The following TRPC7 variants were observed in gnomAD, a reference collection of about 807,000 sequenced individuals.
TRPC7 encodes the protein transient receptor potential cation channel subfamily C member 7.
Under a neutral mutation model 90.1 loss-of-function variants are expected in TRPC7, and 42 were observed. The ratio of observed to expected loss-of-function variants is 0.47; its 90% CI spans 0.36 to 0.60. The LOEUF is 0.60. TRPC7 is among the 20% of genes least tolerant of loss of function. The pLI is 0.00. For synonymous variants in TRPC7, 451 were observed against 436.3 expected (o/e 1.03, Z -0.42); for missense variants, 955 against 1,112.3 (o/e 0.86, Z 2.01).
chr5:136,341,495 A>G lies in TRPC7; in HGVS notation c.780+15113T>C, dbSNP rs1054341185. 3.3e-5 allele frequency among the ~76,000 whole-genome samples: 5 copies of G among 150,944 alleles called. No individual in the cohort carries two copies. In the East Asian group the frequency reaches 7.8e-4, roughly 24 times the overall value. Reference sequence around the variant, plus strand: ...TATATACACACACACACACACACCTATGTATAAATAAAAGATTTATGCCCA... The same window carrying G: ...TATATACACACACACACACACACCTGTGTATAAATAAAAGATTTATGCCCA... On this transcript the variant is annotated intron_variant, in intron 2 of 11. Coordinates refer to ENST00000513104, the MANE Select transcript of TRPC7 (RefSeq NM_020389.3).
intron 1 of TRPC7, among the ~76,000 whole-genome samples, chr5:136,362,676 C>T (rs1158104847): frequency 6.6e-6 from 1 of 152,182 alleles, no homozygotes; most frequent in Non-Finnish European, 1.5e-5. Flanking sequence ...TATTAAGGAT[C>T]TAGTCTGTCT....
At chr5:136,225,782 G>C (rs1271337272) in intron 9 of TRPC7, among the ~76,000 whole-genome samples, 1 of 152,102 alleles carries the variant, frequency 6.6e-6, no homozygotes, top group Non-Finnish European at 1.5e-5. Context: ...GGCTTAGCCA[G>C]GCAGCTTACT....
chr5:136,279,386 T>C (rs1173566440), intron 3 of TRPC7, among the ~76,000 whole-genome samples: 2 of 152,192 alleles, frequency 1.3e-5, no homozygotes, highest in Admixed American at 6.5e-5. Flanking sequence ...GGTGCTGGAC[T>C]TCTTCCAGAG....
At chr5:136,242,197 C>T (rs114260844) in intron 7 of TRPC7, among the ~76,000 whole-genome samples, 4,467 of 152,250 alleles carry the variant, frequency 0.029, 94 homozygotes, top group Admixed American at 0.05. Context: ...ACTTCCTTAC[C>T]CATGTCTTGG....
At chr5:136,270,609 G>A (rs1482504446) in intron 4 of TRPC7, among the ~76,000 whole-genome samples, 1 of 152,208 alleles carries the variant, frequency 6.6e-6, no homozygotes, top group Non-Finnish European at 1.5e-5. Context: ...GGAGGTGAAA[G>A]AGATAAAACA....
chr5:136,236,486 C>T (rs1270097950), intron 7 of TRPC7, among the ~76,000 whole-genome samples: 1 of 152,148 alleles, frequency 6.6e-6, no homozygotes, highest in East Asian at 1.9e-4. Context: ...GTGGAAGGGA[C>T]TGAAGTTAGT....
intron 2 of TRPC7, among the ~76,000 whole-genome samples, chr5:136,321,210 G>A (rs10042343): frequency 0.024 from 3,712 of 152,202 alleles, 162 homozygotes; most frequent in African/African-American, 0.084. Flanking sequence ...GGGGAGCAGC[G>A]TGTTTCCTTC....
chr5:136,358,705 A>G (rs1012565074), intron 1 of TRPC7, among the ~76,000 whole-genome samples: 1 of 152,198 alleles, frequency 6.6e-6, no homozygotes, highest in Non-Finnish European at 1.5e-5. Context: ...CCCAGCTTCT[A>G]GATCTCAGAT....
At chr5:136,284,594 G>T (rs1467067654) in intron 3 of TRPC7, among the ~76,000 whole-genome samples, 1 of 152,180 alleles carries the variant, frequency 6.6e-6, no homozygotes, top group Admixed American at 6.5e-5. Context: ...GGCTCTCATT[G>T]CCCTCAATGC....
intron 11 of TRPC7, among the ~76,000 whole-genome samples, chr5:136,214,835 A>G (rs1192391448): frequency 6.6e-6 from 1 of 152,158 alleles, no homozygotes; most frequent in Non-Finnish European, 1.5e-5. Context: ...AGAAACTTCA[A>G]TCATGGATGA....
chr5:136,254,089 GCTA>G (rs1401827595), intron 5 of TRPC7, among the ~76,000 whole-genome samples: 1 of 152,212 alleles, frequency 6.6e-6, no homozygotes, highest in African/African-American at 2.4e-5. Flanking sequence ...AAAGTTTGAA[GCTA>G]GCAGAGGTTC....
At chr5:136,277,204 A>C (rs1260563418) in intron 3 of TRPC7, among the ~76,000 whole-genome samples, 1 of 152,224 alleles carries the variant, frequency 6.6e-6, no homozygotes, top group African/African-American at 2.4e-5. Context: ...CACAGTGGTG[A>C]CTATTCCCCA....
intron 7 of TRPC7, among the ~76,000 whole-genome samples, chr5:136,233,419 T>G (rs921742729): frequency 1.3e-5 from 2 of 152,228 alleles, no homozygotes; most frequent in African/African-American, 4.8e-5. Context: ...GTGTCATGAT[T>G]CACTGCAGTA....
At chr5:136,223,505 C>T (rs1241261428) in intron 10 of TRPC7, among the ~76,000 whole-genome samples, 2 of 151,854 alleles carry the variant, frequency 1.3e-5, no homozygotes, top group Admixed American at 6.6e-5. Flanking sequence ...CCCAGCTACT[C>T]GGGAGGCTGA....
chr5:136,223,406 G>T (rs549170283), intron 10 of TRPC7, among the ~76,000 whole-genome samples: 1 of 152,276 alleles, frequency 6.6e-6, no homozygotes, highest in South Asian at 2.1e-4. Context: ...CTGAGGTCGG[G>T]AGTTTGAGAC....
chr5:136,357,873 A>G (rs565765941), intron 1 of TRPC7, among the ~76,000 whole-genome samples: 7 of 152,304 alleles, frequency 4.6e-5, no homozygotes, highest in Non-Finnish European at 1.0e-4. Flanking sequence ...GTATAAGTCA[A>G]TGTAGGTTTT....
intron 2 of TRPC7, among the ~76,000 whole-genome samples, chr5:136,353,651 A>G (rs1042257928): frequency 6.6e-6 from 1 of 152,240 alleles, no homozygotes; most frequent in African/African-American, 2.4e-5. Flanking sequence ...AATAACTAAT[A>G]AAGTTCTAAA....
chr5:136,217,112 G>A (rs962901163), intron 10 of TRPC7, among the ~76,000 whole-genome samples: 5 of 152,186 alleles, frequency 3.3e-5, no homozygotes, highest in African/African-American at 9.7e-5. Flanking sequence ...TCGGGTAGCC[G>A]AGACTTCTGA....
chr5:136,353,234 A>G (rs1434274025), intron 2 of TRPC7, among the ~76,000 whole-genome samples: 2 of 152,182 alleles, frequency 1.3e-5, no homozygotes, highest in African/African-American at 2.4e-5. Flanking sequence ...ATTGGCTGCA[A>G]TTTTTGTTAA....
Sources: allele counts gnomAD v4.1 joint callset (sites outside exome capture counted in the v4.1 genomes callset), GRCh38; gene constraint gnomAD v4.1.1; transcripts MANE v1.5; gene names NCBI Gene and HGNC (gene_info 2026-07-23, HGNC 2026-07-21).